PLPP1: variants seen among roughly 807,000 people sequenced by gnomAD.
The protein encoded by PLPP1 is lipid phosphate phosphohydrolase 1a.
PLPP1 carries 24 observed loss-of-function variants against 31.2 expected under a neutral mutation model. The ratio of observed to expected loss-of-function variants is 0.77; its 90% CI spans 0.56 to 1.08. The LOEUF is 1.08. Among genes scored for constraint, PLPP1 ranks in the 50% least tolerant of loss-of-function variants. PLPP1 has a pLI of 0.00. For missense variants in PLPP1, 319 were observed against 342.7 expected, an observed-to-expected ratio of 0.93 and a Z score of 0.55; for synonymous variants, 146 against 126.3, an observed-to-expected ratio of 1.16 and a Z score of -1.05.
rs575267668 is a variant in PLPP1, at chr5:55,500,733, C to T, written c.59-25283G>A. On this transcript the variant is annotated intron_variant, in intron 1 of 5. Coordinates refer to ENST00000307259, the MANE Select transcript of PLPP1 (RefSeq NM_003711.4). ...AAAAGCAGTGTGAAGACAGAATAGA[C>T]GGCAAGGCCAGAGGCAAGAAATACC... Among the ~76,000 whole-genome samples, 13 of 152,102 alleles carry T rather than the reference C, an allele frequency of 8.5e-5. No homozygotes were observed. In the South Asian group the frequency reaches 1.5e-3, roughly 17 times the overall value.
chr5:55,431,600 C>T (rs532050094), intron 4 of PLPP1, among the ~76,000 whole-genome samples: 1 of 151,886 alleles, frequency 6.6e-6, no homozygotes. Flanking sequence ...CAGGACATAC[C>T]GAAACCCAAC....
intron 1 of PLPP1, among the ~76,000 whole-genome samples, chr5:55,510,765 C>T (rs1271410811): frequency 6.6e-6 from 1 of 152,102 alleles, no homozygotes; most frequent in Admixed American, 6.6e-5. Flanking sequence ...GCTGGGTTTA[C>T]TTCTGGCTTT....
intron 4 of PLPP1, among the ~76,000 whole-genome samples, chr5:55,436,063 T>C (rs1327656638): frequency 1.3e-5 from 2 of 150,556 alleles, no homozygotes; most frequent in African/African-American, 4.9e-5. Flanking sequence ...TTACTAGAGA[T>C]TCATACAAGC....
At chr5:55,500,186 TCTC>T (rs1489909423) in intron 1 of PLPP1, among the ~76,000 whole-genome samples, 1 of 151,324 alleles carries the variant, frequency 6.6e-6, no homozygotes. Flanking sequence ...TTCACACCAT[TCTC>T]CTACCTCAGC....
chr5:55,433,144 CAAAA>C (rs57495015), intron 4 of PLPP1, among the ~76,000 whole-genome samples: 19,543 of 124,984 alleles, frequency 0.16, 1,509 homozygotes, highest in South Asian at 0.2. Context: ...CCCATCTCTA[CAAAA>C]AAAAAAAAAA....
chr5:55,434,192 A>G (rs967596625), intron 4 of PLPP1, among the ~76,000 whole-genome samples: 1 of 151,854 alleles, frequency 6.6e-6, no homozygotes, highest in Non-Finnish European at 1.5e-5. Context: ...GAAGAAGAAG[A>G]AAAAAAGACA....
intron 1 of PLPP1, among the ~76,000 whole-genome samples, chr5:55,526,931 CAAAAAAAAAAAA>C (rs34267008): frequency 4.0e-5 from 3 of 75,528 alleles, no homozygotes; most frequent in African/African-American, 1.8e-4. Context: ...GATTCCATCT[CAAAAAAAAAAAA>C]AAAAAAAAAA....
intron 1 of PLPP1, among the ~76,000 whole-genome samples, chr5:55,491,345 T>A (rs1288582205): frequency 1.3e-5 from 2 of 152,142 alleles, no homozygotes; most frequent in African/African-American, 2.4e-5. Flanking sequence ...TGACCTCCGA[T>A]TTTAGAAATA....
At chr5:55,426,935 C>T (rs1002783092) in intron 4 of PLPP1, among the ~76,000 whole-genome samples, 2 of 152,072 alleles carry the variant, frequency 1.3e-5, no homozygotes, top group African/African-American at 2.4e-5. Flanking sequence ...TTCAACAGTA[C>T]TTGTATCCCC....
At chr5:55,476,266 C>T (rs1262132796) in intron 1 of PLPP1, among the ~76,000 whole-genome samples, 1 of 151,886 alleles carries the variant, frequency 6.6e-6, no homozygotes, top group Non-Finnish European at 1.5e-5. Flanking sequence ...ATCCTATAGC[C>T]TCAGCCTCCC....
Position 55,516,576 on chromosome 5 carries a change from C to T in PLPP1, c.58+17996G>A, listed in dbSNP as rs190596801. On this transcript the variant is annotated intron_variant, in intron 1 of 5. Transcript: ENST00000307259. Reference sequence around the variant, plus strand: ...ATGTAACGGTGACTGGGCCACATGCCAAGGAGAACATACAGATTAAGACAC... The same window carrying T: ...ATGTAACGGTGACTGGGCCACATGCTAAGGAGAACATACAGATTAAGACAC... 3.3e-5 allele frequency among the ~76,000 whole-genome samples: 5 copies of T among 152,216 alleles called. No homozygotes were observed. The East Asian group carries it at 9.6e-4, about 29-fold the overall frequency.
At chr5:55,530,250 T>C (rs551154326) in intron 1 of PLPP1, 1,181 of 1,488,238 alleles carry the variant, frequency 7.9e-4, no homozygotes, top group Non-Finnish European at 1.0e-3. Context: ...ATCAAACTGA[T>C]GTCTCTGATT....
At chr5:55,509,876 C>T (rs1350116900) in intron 1 of PLPP1, among the ~76,000 whole-genome samples, 1 of 152,208 alleles carries the variant, frequency 6.6e-6, no homozygotes, top group Non-Finnish European at 1.5e-5. Flanking sequence ...ATTCCTTCCA[C>T]TCCCTCATGG....
intron 1 of PLPP1, among the ~76,000 whole-genome samples, chr5:55,519,253 A>T (rs1479800724): frequency 6.6e-6 from 1 of 152,234 alleles, no homozygotes; most frequent in Non-Finnish European, 1.5e-5. Flanking sequence ...ACAATTTAAG[A>T]AACCTTTTCT....
chr5:55,458,583 G>A (rs1465415060), intron 3 of PLPP1, among the ~76,000 whole-genome samples: 1 of 151,978 alleles, frequency 6.6e-6, no homozygotes, highest in East Asian at 1.9e-4. Context: ...ACAAAGAGAC[G>A]AAACATAGAA....
intron 1 of PLPP1, among the ~76,000 whole-genome samples, chr5:55,491,894 AAG>A (rs954455540): frequency 1.5e-5 from 2 of 134,498 alleles, no homozygotes; most frequent in Non-Finnish European, 1.6e-5. Flanking sequence ...AAGAAAGAAA[AAG>A]AGAGAGAAAG....
chr5:55,440,121 A>T (rs570085456), intron 4 of PLPP1, among the ~76,000 whole-genome samples: 8 of 152,336 alleles, frequency 5.3e-5, no homozygotes, highest in Non-Finnish European at 1.2e-4. Flanking sequence ...GTAAAATGCA[A>T]ATCATCATCA....
intron 4 of PLPP1, among the ~76,000 whole-genome samples, chr5:55,433,027 G>A (rs1269657195): frequency 6.6e-6 from 1 of 151,534 alleles, no homozygotes; most frequent in Admixed American, 6.6e-5. Context: ...GAAATAAACG[G>A]ACCAGGTGTG....
intron 1 of PLPP1, among the ~76,000 whole-genome samples, chr5:55,509,762 A>C (rs1753365042): frequency 6.6e-6 from 1 of 152,198 alleles, no homozygotes; most frequent in African/African-American, 2.4e-5. Flanking sequence ...AAGTTAACCT[A>C]TTTATTTATA....
Sources: gnomAD v4.1 joint callset for allele counts (sites outside exome capture counted in the v4.1 genomes callset) on GRCh38, gnomAD v4.1.1 for gene constraint, MANE v1.5 for transcripts, NCBI Gene and HGNC (gene_info 2026-07-23, HGNC 2026-07-21) for gene names.